Variants in NID2 observed in about 807,000 individuals in gnomAD.
The protein encoded by NID2 is nidogen 2, also known as nidogen-2.
NID2 carries 83 observed loss-of-function variants against 145.4 expected under a neutral mutation model. The ratio of observed to expected loss-of-function variants is 0.57; its 90% CI spans 0.48 to 0.69. NID2 has a LOEUF of 0.69. Ranked by LOEUF, NID2 falls within the 30% of genes least tolerant of loss-of-function variation. The probability of loss-of-function intolerance (pLI) is 0.00; values close to 1 mark genes in which losing one functional copy is unlikely to be tolerated. For missense variants in NID2, 1,807 were observed against 1,765.7 expected (o/e 1.02, Z -0.42); for synonymous variants, 739 against 701.3 (o/e 1.05, Z -0.85).
chr14:52,025,081 T>C (rs1237785688), intron 12 of NID2, among the ~76,000 whole-genome samples: 1 of 152,230 alleles, frequency 6.6e-6, no homozygotes. Context: ...GATGTTTAAA[T>C]AAATTCTACA....
intron 5 of NID2, among the ~76,000 whole-genome samples, chr14:52,048,944 C>G (rs1301818740): frequency 1.3e-5 from 2 of 152,056 alleles, no homozygotes. Flanking sequence ...GGATGAGTGC[C>G]CACACTTTGA....
At chr14:52,031,243 T>G (rs768932505) in intron 9 of NID2, among the ~76,000 whole-genome samples, 7 of 152,152 alleles carry the variant, frequency 4.6e-5, no homozygotes, top group Non-Finnish European at 1.0e-4. Context: ...GAGTCTGCCA[T>G]GTAAAATGGA....
chr14:52,010,060 GT>G (rs932239917), intron 18 of NID2: 1 of 152,194 alleles, frequency 6.6e-6, no homozygotes, highest in Non-Finnish European at 1.5e-5. Flanking sequence ...TATGCAAAGA[GT>G]TTTTAAGAGG....
chr14:52,053,529 C>G (rs777392179), intron 5 of NID2, 50 bp downstream of exon 5: 2 of 1,551,900 alleles, frequency 1.3e-6, no homozygotes, highest in East Asian at 4.5e-5. Context: ...CTATGCAAAA[C>G]CAGCATGGTT....
intron 5 of NID2, among the ~76,000 whole-genome samples, chr14:52,052,970 G>T (rs1369298396): frequency 4.6e-5 from 7 of 152,142 alleles, no homozygotes; most frequent in Admixed American, 4.6e-4. Flanking sequence ...CCGATCAGTG[G>T]GTCATGAAAT....
chr14:52,038,651 C>G, intron 9 of NID2, 96 bp downstream of exon 9: 1 of 923,634 alleles, frequency 1.1e-6, no homozygotes, highest in Non-Finnish European at 1.6e-6. Flanking sequence ...CATAACACAG[C>G]ATGGCACTAG....
chr14:52,024,446 G>A (rs909845354), intron 12 of NID2, among the ~76,000 whole-genome samples: 3 of 152,138 alleles, frequency 2.0e-5, no homozygotes, highest in Non-Finnish European at 4.4e-5. Context: ...TCAAAGAACC[G>A]AATCCTGCCC....
intron 19 of NID2, 188 bp downstream of exon 19, chr14:52,007,622 T>G: frequency 1.6e-6 from 1 of 606,612 alleles, no homozygotes; most frequent in Non-Finnish European, 2.9e-6. Context: ...TATCCTTCCC[T>G]CCACCCAAAC....
chr14:52,014,589 G>A, intron 15 of NID2, 133 bp from the exon 16 acceptor site: 3 of 893,414 alleles, frequency 3.4e-6, no homozygotes, highest in Non-Finnish European at 5.0e-6. Flanking sequence ...ATGTGCTCCA[G>A]ATGTTCTTCA....
At chr14:52,042,521 G>A (rs1299415536) in intron 6 of NID2, among the ~76,000 whole-genome samples, 171 bp from the exon 7 acceptor site, 1 of 89,000 alleles carries the variant, frequency 1.1e-5, no homozygotes, top group African/African-American at 5.0e-5. Flanking sequence ...CCTCCAGTCT[G>A]TTTTCTCCCC....
In NID2 at chr14:52,066,696, G is replaced by T. The variant is rs140391061; in HGVS notation, c.534+1162C>A. 1.8e-3 allele frequency among the ~76,000 whole-genome samples: 277 copies of T among 152,230 alleles called. 1 individual carries two copies. Among genetic ancestry groups the T allele is most frequent in the African/African-American group, 6.4e-3 (266 of 41,532 alleles). ...GGCAAGCAACCTCACCTCTTACAGG[G>T]GGCATGTACCATCCTTCTATAGTGA... is the stretch of plus-strand genomic sequence containing the variant. On this transcript the variant is annotated intron_variant, in intron 2 of 21. Transcript: ENST00000216286.
chr14:52,062,520 C>T (rs1257433249), intron 2 of NID2, among the ~76,000 whole-genome samples: 2 of 152,120 alleles, frequency 1.3e-5, no homozygotes, highest in African/African-American at 4.8e-5. Context: ...CAGAGTTATA[C>T]ATTAGTCAGA....
At chr14:52,042,654 G>A in intron 6 of NID2, 128 bp downstream of exon 6, 1 of 974,572 alleles carries the variant, frequency 1.0e-6, no homozygotes, top group Non-Finnish European at 1.5e-6. Flanking sequence ...TTGAGCACCT[G>A]CAAGTTGATA....
intron 3 of NID2, among the ~76,000 whole-genome samples, chr14:52,055,961 G>A (rs1224021967): frequency 6.6e-6 from 1 of 152,138 alleles, no homozygotes; most frequent in African/African-American, 2.4e-5. Flanking sequence ...GTGTGTGTAT[G>A]CATGTACATA....
intron 16 of NID2, chr14:52,011,966 T>C: frequency 3.1e-6 from 1 of 320,806 alleles, no homozygotes; most frequent in East Asian, 6.0e-5. Context: ...ATTAATACTA[T>C]AAGTGCTTGT....
At chr14:52,030,103 G>A (rs1227616876) in intron 9 of NID2, among the ~76,000 whole-genome samples, 1 of 152,204 alleles carries the variant, frequency 6.6e-6, no homozygotes, top group East Asian at 1.9e-4. Flanking sequence ...AGCTCACAAA[G>A]TCAGGAAGTG....
At position 52,028,185 on chromosome 14, in the gene NID2, A is replaced by G. The variant is rs1027687993; in HGVS notation, c.2530+537T>C. Among the ~76,000 whole-genome samples, 11 of 152,352 alleles carry G rather than the reference A, an allele frequency of 7.2e-5. No homozygotes were observed. In the East Asian group the frequency reaches 1.3e-3, roughly 19 times the overall value. On this transcript the variant is annotated intron_variant, in intron 11 of 21. Transcript: ENST00000216286. ...TCCCAACTGAGGTGGGCATCCTTCA[A>G]TAACTCAACACCAAAAATATCTATT...
At chr14:52,048,129 G>A (rs1025486247) in intron 5 of NID2, among the ~76,000 whole-genome samples, 1 of 152,196 alleles carries the variant, frequency 6.6e-6, no homozygotes, top group African/African-American at 2.4e-5. Context: ...TGACCAATTG[G>A]CAGCTCCTGG....
In NID2 at chr14:52,027,353, AG is replaced by A; in HGVS notation, c.2531-10del. On this transcript the variant is annotated splice_polypyrimidine_tract_variant and intron_variant, in intron 11 of 21. Coordinates refer to ENST00000216286, the MANE Select transcript of NID2 (RefSeq NM_007361.4). ...GGCAGGTGGGGTGATCACTGAAAAG[AG>A]AAGAAGATAAGGGCATCCAGAGTTT... The A allele has an allele frequency of 6.5e-7, 1 of 1,538,006 alleles. No homozygotes were observed. Among genetic ancestry groups the A allele is most frequent in the South Asian group, 1.3e-5 (1 of 79,918 alleles).
Sources: allele counts gnomAD v4.1 joint callset (sites outside exome capture counted in the v4.1 genomes callset), GRCh38; gene constraint gnomAD v4.1.1; transcripts MANE v1.5; gene names NCBI Gene and HGNC (gene_info 2026-07-23, HGNC 2026-07-21).